Variants in TTC29 observed in about 807,000 individuals in gnomAD.
The protein encoded by TTC29 is tetratricopeptide repeat protein 29.
In TTC29, 49 loss-of-function variants were observed where a neutral mutation model predicts 58.1. The observed-to-expected ratio is 0.84, with a 90% CI of 0.67 to 1.07. TTC29 has a LOEUF of 1.07. Ranked by LOEUF, TTC29 falls within the 50% of genes least tolerant of loss-of-function variation. The pLI, the probability that TTC29 is intolerant of heterozygous loss-of-function variation, is 0.00. For missense variants in TTC29, 582 were observed against 555.6 expected (o/e 1.05, Z -0.48); for synonymous variants, 209 against 196.8 (o/e 1.06, Z -0.52).
intron 6 of TTC29, among the ~76,000 whole-genome samples, chr4:146,894,201 A>T (rs1732593644): frequency 6.6e-6 from 1 of 152,172 alleles, no homozygotes. Flanking sequence ...AAGGATTATA[A>T]ATCATGCTGC....
Position 146,939,903 on chromosome 4 carries a change from T to C in TTC29, c.-6-2A>G. 6.2e-7 allele frequency: 1 copy of C among 1,605,834 alleles called. No homozygotes were observed. Among genetic ancestry groups the C allele is most frequent in the Non-Finnish European group, 8.5e-7 (1 of 1,177,300 alleles). ...TGGGGGCAGGGTGGTCATTTCGGAC[T>C]ACAAAAAGAAATAAGTAGAAATTGT... On this transcript the variant is annotated splice_acceptor_variant, in intron 2 of 12. Coordinates refer to ENST00000325106, the MANE Select transcript of TTC29 (RefSeq NM_031956.4). LOFTEE classifies it low-confidence loss of function (5UTR_SPLICE).
chr4:146,708,932 A>T (rs905186944), intron 11 of TTC29, among the ~76,000 whole-genome samples: 3 of 152,010 alleles, frequency 2.0e-5, no homozygotes, highest in Admixed American at 6.6e-5. Context: ...GCACCTGAAG[A>T]TGGGTTGGTG....
chr4:146,878,527 C>G (rs1731422363), intron 6 of TTC29, among the ~76,000 whole-genome samples: 1 of 152,096 alleles, frequency 6.6e-6, no homozygotes, highest in Non-Finnish European at 1.5e-5. Flanking sequence ...CAAATATATG[C>G]TCCAGAGTTT....
chr4:146,717,081 C>T (rs760919021), intron 11 of TTC29, among the ~76,000 whole-genome samples: 2 of 152,028 alleles, frequency 1.3e-5, no homozygotes, highest in African/African-American at 2.4e-5. Context: ...GTTTGACAAT[C>T]GTTGCTTTAT....
chr4:146,833,130 A>G (rs1728276403), intron 9 of TTC29, among the ~76,000 whole-genome samples: 1 of 152,176 alleles, frequency 6.6e-6, no homozygotes. Context: ...CTTGGATATA[A>G]GATAACATAG....
At chr4:146,858,513 C>T (rs1391913384) in intron 8 of TTC29, among the ~76,000 whole-genome samples, 2 of 152,156 alleles carry the variant, frequency 1.3e-5, no homozygotes, top group African/African-American at 2.4e-5. Flanking sequence ...TTTACCAATA[C>T]ATTTAACATT....
chr4:146,807,599 A>G (rs1228702376), intron 10 of TTC29, among the ~76,000 whole-genome samples: 1 of 152,216 alleles, frequency 6.6e-6, no homozygotes, highest in East Asian at 1.9e-4. Flanking sequence ...CCATCAGAGA[A>G]TACTATAAAT....
chr4:146,894,649 G>A (rs1732639068), intron 6 of TTC29, among the ~76,000 whole-genome samples: 1 of 151,602 alleles, frequency 6.6e-6, no homozygotes, highest in Non-Finnish European at 1.5e-5. Context: ...CCTACACGTT[G>A]TGCACATGTA....
intron 3 of TTC29, among the ~76,000 whole-genome samples, chr4:146,938,992 G>A (rs149192913): frequency 3.3e-5 from 5 of 152,196 alleles, no homozygotes; most frequent in Non-Finnish European, 5.9e-5. Context: ...GTGACAATTT[G>A]AGTAGCTCAG....
At chr4:146,883,842 T>A (rs1476021902) in intron 6 of TTC29, among the ~76,000 whole-genome samples, 5 of 151,794 alleles carry the variant, frequency 3.3e-5, no homozygotes, top group Non-Finnish European at 5.9e-5. Flanking sequence ...AATGTCAGTA[T>A]CACAGACATG....
intron 6 of TTC29, among the ~76,000 whole-genome samples, chr4:146,887,514 A>T (rs1732068447): frequency 6.6e-6 from 1 of 152,126 alleles, no homozygotes. Context: ...CTCTGGATTC[A>T]AGTCTAGCAC....
chr4:146,747,540 C>T (rs1047748038), intron 11 of TTC29, among the ~76,000 whole-genome samples: 1 of 152,208 alleles, frequency 6.6e-6, no homozygotes. Flanking sequence ...ACTTTCACTA[C>T]TGGAGCAGTC....
chr4:146,909,417 C>T (rs1426214234), intron 4 of TTC29, among the ~76,000 whole-genome samples, 168 bp from the exon 5 acceptor site: 1 of 152,138 alleles, frequency 6.6e-6, no homozygotes, highest in Non-Finnish European at 1.5e-5. Context: ...AATTGAACAA[C>T]TTCTGTTTAA....
At chr4:146,783,340 AT>A (rs200397702) in intron 11 of TTC29, among the ~76,000 whole-genome samples, 316 of 143,982 alleles carry the variant, frequency 2.2e-3, no homozygotes, top group African/African-American at 4.5e-3. Context: ...CCTCTTCTTC[AT>A]TTTTTTTTTT....
chr4:146,733,191 G>A (rs565763397), intron 11 of TTC29, among the ~76,000 whole-genome samples: 2 of 152,236 alleles, frequency 1.3e-5, no homozygotes, highest in African/African-American at 2.4e-5. Flanking sequence ...CTTTACTGCT[G>A]TAAATAGTGA....
At chr4:146,858,717 C>G (rs1730035711) in intron 8 of TTC29, among the ~76,000 whole-genome samples, 1 of 152,172 alleles carries the variant, frequency 6.6e-6, no homozygotes, top group East Asian at 1.9e-4. Flanking sequence ...TCTTCCTTAA[C>G]TCTCACAAGG....
rs373850343 is a variant in TTC29 at position 146,903,584 on chromosome 4, G to A, written c.546C>T (p.Ala182=). 5.5e-5 allele frequency: 89 copies of A among 1,611,462 alleles called. No individual in the cohort carries two copies. Among genetic ancestry groups the A allele is most frequent in the Admixed American group, 1.7e-4 (10 of 59,704 alleles). ...GAAGACCCATATGCATGTGTGCCTC[G>A]GCTTCTTTCTTCCCACAGTCAATTT... The part of the protein sequence containing the change: ...LIKIDCGKKE[A]EAHMHMGLLY... The change falls in exon 6 of 13, where the codon GCC becomes GCT. Residue 182 remains alanine (A), a synonymous_variant. Coordinates refer to ENST00000325106, the MANE Select transcript of TTC29 (RefSeq NM_031956.4).
intron 6 of TTC29, among the ~76,000 whole-genome samples, chr4:146,899,587 A>C (rs571921196): frequency 3.1e-4 from 47 of 152,246 alleles, no homozygotes; most frequent in African/African-American, 1.1e-3. Context: ...GCCATGCCGC[A>C]CACCAAAGAC....
intron 11 of TTC29, among the ~76,000 whole-genome samples, chr4:146,757,746 C>A (rs974308909): frequency 3.3e-5 from 5 of 152,074 alleles, no homozygotes; most frequent in Non-Finnish European, 4.4e-5. Flanking sequence ...AAGATACAGT[C>A]TTTTTCAGAC....
Sources: gnomAD v4.1 joint callset for allele counts (sites outside exome capture counted in the v4.1 genomes callset) on GRCh38, gnomAD v4.1.1 for gene constraint, MANE v1.5 for transcripts, NCBI Gene and HGNC (gene_info 2026-07-23, HGNC 2026-07-21) for gene names.